The following LSS variants were observed in gnomAD, a reference collection of about 807,000 sequenced individuals.
LSS encodes lanosterol synthase, also known as 2,3-epoxysqualene-lanosterol cyclase.
Under a neutral mutation model 110.3 loss-of-function variants are expected in LSS, and 90 were observed. The ratio of observed to expected loss-of-function variants is 0.82; its 90% CI spans 0.69 to 0.97. The LOEUF is 0.97. Ranked by LOEUF, LSS falls within the 50% of genes least tolerant of loss-of-function variation. The probability of loss-of-function intolerance (pLI) is 0.00; values close to 1 mark genes in which losing one functional copy is unlikely to be tolerated. For missense variants in LSS, 927 were observed against 990.0 expected, an observed-to-expected ratio of 0.94 and a Z score of 0.85; for synonymous variants, 433 against 400.0, an observed-to-expected ratio of 1.08 and a Z score of -0.98.
Position 46,223,743 on chromosome 21 carries a change from T to G in LSS, c.320-1005A>C, listed in dbSNP as rs572967301. Among the ~76,000 whole-genome samples, 26 of 152,262 alleles carry G rather than the reference T, an allele frequency of 1.7e-4. 1 individual carries two copies. The South Asian group carries it at 5.0e-3, about 29-fold the overall frequency. On this transcript the variant is annotated intron_variant, in intron 3 of 21. Coordinates refer to ENST00000397728, the MANE Select transcript of LSS (RefSeq NM_002340.6). Reference sequence around the variant, plus strand: ...AGAGATAGGAGCTGAGGGGACATAGTGAGGTGTGACCAGAAGACAGGAGTG... The same window carrying G: ...AGAGATAGGAGCTGAGGGGACATAGGGAGGTGTGACCAGAAGACAGGAGTG...
At chr21:46,226,322 G>A (rs919941806) in intron 3 of LSS, among the ~76,000 whole-genome samples, 5 of 152,184 alleles carry the variant, frequency 3.3e-5, no homozygotes, top group African/African-American at 1.2e-4. Flanking sequence ...CACAGGTCAG[G>A]CTACAGAGGC....
At chr21:46,217,990 A>G (rs8130539) in intron 6 of LSS, among the ~76,000 whole-genome samples, 7,841 of 151,864 alleles carry the variant, frequency 0.052, 622 homozygotes, top group African/African-American at 0.18. Flanking sequence ...CCTCCCCGTC[A>G]CCACCCAAAC....
intron 17 of LSS, among the ~76,000 whole-genome samples, chr21:46,204,269 T>A (rs766185458): frequency 3.3e-5 from 5 of 151,302 alleles, no homozygotes; most frequent in Non-Finnish European, 7.4e-5. Flanking sequence ...CTCCCCAACC[T>A]CAGCAACAGA....
intron 21 of LSS, among the ~76,000 whole-genome samples, chr21:46,191,550 A>T (rs968091304): frequency 6.6e-6 from 1 of 152,020 alleles, no homozygotes; most frequent in African/African-American, 2.4e-5. Flanking sequence ...TGACACCCAC[A>T]CCACAGGGAC....
At chr21:46,220,167 C>G (rs2123754341) in intron 5 of LSS, 1 of 152,466 alleles carries the variant, frequency 6.6e-6, no homozygotes, top group East Asian at 1.9e-4. Flanking sequence ...AGTCCCTGCT[C>G]CAAACCCCAA....
chr21:46,209,596 C>A lies in LSS; in HGVS notation c.1224G>T (p.Ser408=). The A allele has an allele frequency of 1.2e-6, 2 of 1,601,674 alleles. No individual in the cohort carries two copies. Among genetic ancestry groups the A allele is most frequent in the Non-Finnish European group, 1.7e-6 (2 of 1,175,034 alleles). The change falls in exon 13 of 22, where the codon TCG becomes TCT. Residue 408 remains serine, a synonymous_variant. Transcript: ENST00000397728. This position sits in a 1 kb window ranked among gnomAD's most constrained non-coding sequence, Gnocchi z 4.4. The stretch of plus-strand genomic sequence containing the variant: ...ACTCATGAGCCTTCTGCAGGCAGGA[C>A]GAAAACTCGGGCCTGTGGTGCCCGC... The part of the protein sequence containing the change: ...EAGGHHRPEF[S]SCLQKAHEFL...
chr21:46,221,122 GCCC>G (rs2080274357), intron 5 of LSS, among the ~76,000 whole-genome samples: 1 of 136,706 alleles, frequency 7.3e-6, no homozygotes, highest in Admixed American at 7.3e-5. Flanking sequence ...GAGGTGGACA[GCCC>G]GGGGCTTGGA....
chr21:46,214,609 G>C (rs1355089823), intron 9 of LSS, among the ~76,000 whole-genome samples: 1 of 152,170 alleles, frequency 6.6e-6, no homozygotes, highest in East Asian at 1.9e-4. Flanking sequence ...GCACAGCCCA[G>C]GGCCTGCTGA....
At position 46,188,825 on chromosome 21, in the gene LSS, T is replaced by C. The variant is rs1309142879; in HGVS notation, c.*2279A>G. The C allele has an allele frequency of 2.1e-6, 1 of 466,928 alleles. No individual in the cohort carries two copies. The highest frequency in any genetic ancestry group is 4.5e-6 in the Non-Finnish European group (1 of 223,700). The allele number at this position is 466,928 out of a possible 1,614,324, so 28.9% of individuals were successfully genotyped here. A position where few individuals can be genotyped will look rare whatever the true frequency, so the allele number is the denominator to read the frequency against. On this transcript the variant is annotated 3_prime_UTR_variant, in exon 22 of 22. Coordinates refer to ENST00000397728, the MANE Select transcript of LSS (RefSeq NM_002340.6). ...GCGTCCTGTGACTTGAAGGCCACTGTGAAGGAAAACAATGCAGTGAAAGAA... is the reference window on the plus strand; with the variant it reads ...GCGTCCTGTGACTTGAAGGCCACTGCGAAGGAAAACAATGCAGTGAAAGAA...
chr21:46,193,132 T>C (rs1411400782), intron 20 of LSS: 5 of 447,096 alleles, frequency 1.1e-5, no homozygotes, highest in Admixed American at 7.4e-5. Flanking sequence ...TGTGCATGCA[T>C]ACGTGTGTGC....
chr21:46,217,736 C>A (rs2080225511), intron 6 of LSS, among the ~76,000 whole-genome samples: 1 of 152,212 alleles, frequency 6.6e-6, no homozygotes, highest in Non-Finnish European at 1.5e-5. Context: ...GACGCCCTCA[C>A]CAGCACCAGC....
intron 17 of LSS, among the ~76,000 whole-genome samples, chr21:46,204,819 C>T (rs1017675303): frequency 3.9e-4 from 60 of 152,020 alleles, no homozygotes; most frequent in African/African-American, 1.4e-3. Flanking sequence ...CTAAGTCCAG[C>T]ATCATCTTAA....
At chr21:46,214,885 C>T (rs998052435) in intron 9 of LSS, among the ~76,000 whole-genome samples, 1 of 152,098 alleles carries the variant, frequency 6.6e-6, no homozygotes, top group Non-Finnish European at 1.5e-5. Flanking sequence ...GCCAGCTAGC[C>T]AGCAAGATCT....
intron 2 of LSS, 50 bp downstream of exon 2, chr21:46,228,384 C>T: frequency 6.3e-7 from 1 of 1,588,586 alleles, no homozygotes; most frequent in African/African-American, 1.3e-5. Flanking sequence ...CTCCTCACGG[C>T]TCACCCCTCA....
At chr21:46,212,497 A>C (rs2080146882) in intron 11 of LSS, among the ~76,000 whole-genome samples, 1 of 152,214 alleles carries the variant, frequency 6.6e-6, no homozygotes, top group South Asian at 2.1e-4. Flanking sequence ...GGACAGGACC[A>C]GGGTCAGCCA....
chr21:46,204,411 T>C (rs1201008125), intron 17 of LSS, among the ~76,000 whole-genome samples: 8 of 150,200 alleles, frequency 5.3e-5, no homozygotes, highest in Non-Finnish European at 1.5e-5. Flanking sequence ...AAGATCAGTA[T>C]AAGATTCTCA....
Position 46,189,795 on chromosome 21 carries a change from G to A in LSS, c.*1309C>T. 1 of 448,772 alleles carries A rather than the reference G, an allele frequency of 2.2e-6. No homozygotes were observed. Among genetic ancestry groups the A allele is most frequent in the Non-Finnish European group, 4.5e-6 (1 of 221,862 alleles). The allele number at this position is 448,772 out of a possible 1,614,324, so 27.8% of individuals were successfully genotyped here. Reference sequence around the variant, plus strand: ...TATAGGGTGTGCCCTGGGCAAGGCAGCAGGGGTAACGAAGCTCTCAGTGAC... The same window carrying A: ...TATAGGGTGTGCCCTGGGCAAGGCAACAGGGGTAACGAAGCTCTCAGTGAC... On this transcript the variant is annotated 3_prime_UTR_variant, in exon 22 of 22. Coordinates refer to ENST00000397728, the MANE Select transcript of LSS (RefSeq NM_002340.6).
chr21:46,218,331 AC>A (rs766258355), intron 6 of LSS, among the ~76,000 whole-genome samples: 1 of 48,012 alleles, frequency 2.1e-5, no homozygotes, highest in Non-Finnish European at 4.4e-5. Flanking sequence ...ATAAAATGTT[AC>A]AAGACACCAC....
chr21:46,193,058 G>C (rs543484747), intron 20 of LSS: 54 of 431,292 alleles, frequency 1.3e-4, no homozygotes, highest in Non-Finnish European at 1.8e-4. Flanking sequence ...CTCCATGTAC[G>C]TATGTCTGTG....
Sources: gnomAD v4.1 joint callset for allele counts (sites outside exome capture counted in the v4.1 genomes callset) on GRCh38, gnomAD v4.1.1 for gene constraint, Gnocchi (gnomAD v3.1) non-coding constraint, MANE v1.5 for transcripts, NCBI Gene and HGNC (gene_info 2026-07-23, HGNC 2026-07-21) for gene names.